CYP2C19: variants seen among roughly 807,000 people sequenced by gnomAD.
CYP2C19 encodes the protein cytochrome P450 2C19.
Under a neutral mutation model 40.9 loss-of-function variants are expected in CYP2C19, and 59 were observed. The observed-to-expected ratio is 1.44, with a 90% CI of 1.17 to 1.79. The LOEUF (loss-of-function observed/expected upper bound fraction) is 1.79, where lower values mean the gene tolerates loss of function less well. CYP2C19 is among the 40% of genes most tolerant of loss of function. The pLI is 0.00. For synonymous variants in CYP2C19, 253 were observed against 208.7 expected (o/e 1.21, Z -1.83); for missense variants, 754 against 596.9 (o/e 1.26, Z -2.74).
At chr10:94,823,100 C>T (rs1433037208) in intron 6 of CYP2C19, among the ~76,000 whole-genome samples, 1 of 151,902 alleles carries the variant, frequency 6.6e-6, no homozygotes, top group East Asian at 1.9e-4. Context: ...AAACTTGTAA[C>T]CAAAAAGTCA....
chr10:94,805,861 G>A (rs920048287), intron 5 of CYP2C19, among the ~76,000 whole-genome samples: 1 of 152,168 alleles, frequency 6.6e-6, no homozygotes, highest in African/African-American at 2.4e-5. Context: ...ATTCTTTGAG[G>A]TCTTTGTCAG....
intron 6 of CYP2C19, among the ~76,000 whole-genome samples, chr10:94,838,289 A>T (rs1349479084): frequency 6.6e-6 from 1 of 152,150 alleles, no homozygotes; most frequent in Non-Finnish European, 1.5e-5. Context: ...CTCTGATGTC[A>T]TCCTATCATT....
intron 5 of CYP2C19, among the ~76,000 whole-genome samples, chr10:94,794,208 A>G (rs551217840): frequency 6.6e-6 from 1 of 152,274 alleles, no homozygotes; most frequent in East Asian, 1.9e-4. Context: ...GGCCATTGGA[A>G]AAGCACAGTA....
chr10:94,841,221 G>C (rs547868833), intron 6 of CYP2C19, among the ~76,000 whole-genome samples: 1 of 152,286 alleles, frequency 6.6e-6, no homozygotes, highest in South Asian at 2.1e-4. Flanking sequence ...CGTGGAACCC[G>C]GCAACTAGTG....
intron 5 of CYP2C19, among the ~76,000 whole-genome samples, chr10:94,816,519 T>C (rs2134264198): frequency 6.6e-6 from 1 of 152,274 alleles, no homozygotes; most frequent in South Asian, 2.1e-4. Context: ...TTAACAGTCT[T>C]TGTACTACTT....
At chr10:94,846,206 C>T (rs971643420) in intron 7 of CYP2C19, among the ~76,000 whole-genome samples, 4 of 152,106 alleles carry the variant, frequency 2.6e-5, no homozygotes, top group African/African-American at 4.8e-5. Flanking sequence ...CAGTTCATTT[C>T]CTCTGTTTCC....
chr10:94,851,443 CAAATAAATAAATAAAT>C (rs71031598), intron 8 of CYP2C19, among the ~76,000 whole-genome samples: 2,136 of 143,052 alleles, frequency 0.015, 56 homozygotes, highest in African/African-American at 0.046. Flanking sequence ...TACCAGCACA[CAAATAAATAAATAAAT>C]AAATAAATAA....
At chr10:94,821,171 A>G (rs1849115638) in intron 6 of CYP2C19, among the ~76,000 whole-genome samples, 1 of 152,204 alleles carries the variant, frequency 6.6e-6, no homozygotes, top group Non-Finnish European at 1.5e-5. Context: ...TGAAGACAGC[A>G]TGGCAGTTTC....
intron 1 of CYP2C19, among the ~76,000 whole-genome samples, chr10:94,770,736 A>T (rs1848317417): frequency 6.6e-6 from 1 of 152,032 alleles, no homozygotes; most frequent in Admixed American, 6.5e-5. Flanking sequence ...CCTTTCCCTG[A>T]GTTATGGTGG....
At chr10:94,841,543 A>G (rs1849495443) in intron 6 of CYP2C19, among the ~76,000 whole-genome samples, 1 of 152,138 alleles carries the variant, frequency 6.6e-6, no homozygotes, top group African/African-American at 2.4e-5. Context: ...TTTGGTTTTC[A>G]TTTGCTCTTG....
intron 5 of CYP2C19, among the ~76,000 whole-genome samples, chr10:94,804,387 C>T (rs780589069): frequency 1.3e-5 from 2 of 152,186 alleles, no homozygotes; most frequent in African/African-American, 2.4e-5. Flanking sequence ...CCAACTGCTC[C>T]GATTTCTGGC....
At chr10:94,811,310 C>G (rs1251329279) in intron 5 of CYP2C19, among the ~76,000 whole-genome samples, 1 of 151,924 alleles carries the variant, frequency 6.6e-6, no homozygotes, top group African/African-American at 2.4e-5. Context: ...ATTATGTGGT[C>G]AATTTTAGAA....
chr10:94,829,447 T>C (rs376629621), intron 6 of CYP2C19, among the ~76,000 whole-genome samples: 1 of 152,224 alleles, frequency 6.6e-6, no homozygotes, highest in South Asian at 2.1e-4. Flanking sequence ...TTGATCGCAT[T>C]GGCTCCTGAG....
intron 5 of CYP2C19, 148 bp downstream of exon 5, chr10:94,782,145 G>A (rs1423082393): frequency 5.7e-6 from 3 of 530,198 alleles, no homozygotes; most frequent in East Asian, 7.2e-5. Context: ...TGAATATCCA[G>A]TAAGCATCAT....
Position 94,796,602 on chromosome 10 carries a change from C to T in CYP2C19, c.819+14605C>T, listed in dbSNP as rs113140261. ...ACCTTGGGCAGTATGGCCATTTTCA[C>T]GATATTGATTCTTCCTATCCATGAG... On this transcript the variant is annotated intron_variant, in intron 5 of 8. Coordinates refer to ENST00000371321, the MANE Select transcript of CYP2C19 (RefSeq NM_000769.4). Among the ~76,000 whole-genome samples, 480 of 152,186 alleles carry T rather than the reference C, an allele frequency of 3.2e-3. 3 individuals are homozygous for T. Among genetic ancestry groups the T allele is most frequent in the African/African-American group, 0.011 (454 of 41,528 alleles).
chr10:94,781,736 T>A, intron 4 of CYP2C19, 85 bp from the exon 5 acceptor site: 2 of 592,200 alleles, frequency 3.4e-6, no homozygotes, highest in Non-Finnish European at 2.5e-6. Flanking sequence ...ATATTTATAG[T>A]TTTAAATTAC....
At chr10:94,828,483 A>C (rs1007121067) in intron 6 of CYP2C19, among the ~76,000 whole-genome samples, 14 of 145,246 alleles carry the variant, frequency 9.6e-5, no homozygotes, top group Middle Eastern at 6.9e-3. Flanking sequence ...CTAGGATTGC[A>C]ACCCCTGCCT....
At chr10:94,827,705 G>A (rs1396086633) in intron 6 of CYP2C19, among the ~76,000 whole-genome samples, 5 of 152,270 alleles carry the variant, frequency 3.3e-5, no homozygotes, top group East Asian at 3.9e-4. Context: ...CCTTCTGCTA[G>A]CATTTGAATG....
intron 5 of CYP2C19, 149 bp downstream of exon 5, chr10:94,782,146 T>C: frequency 1.9e-6 from 1 of 530,054 alleles, no homozygotes; most frequent in South Asian, 3.4e-5. Flanking sequence ...GAATATCCAG[T>C]AAGCATCATA....
Sources: allele counts gnomAD v4.1 joint callset (sites outside exome capture counted in the v4.1 genomes callset), GRCh38; gene constraint gnomAD v4.1.1; transcripts MANE v1.5; gene names NCBI Gene and HGNC (gene_info 2026-07-23, HGNC 2026-07-21).